DNAAF9: variants seen among roughly 807,000 people sequenced by gnomAD.
DNAAF9 encodes dynein axonemal assembly factor 9.
A neutral mutation model predicts 167.0 loss-of-function variants in DNAAF9; 90 were observed. The observed-to-expected ratio is 0.54, with a 90% confidence interval of 0.45 to 0.64. The LOEUF (loss-of-function observed/expected upper bound fraction) is 0.64, where lower values mean the gene tolerates loss of function less well. DNAAF9 is among the 30% of genes least tolerant of loss of function. The probability of loss-of-function intolerance (pLI) is 0.00; values close to 1 mark genes in which losing one functional copy is unlikely to be tolerated. For missense variants in DNAAF9, 1,315 were observed against 1,442.2 expected (o/e 0.91, Z 1.43); for synonymous variants, 491 against 508.8 (o/e 0.96, Z 0.47).
chr20:3,371,012 C>T (rs1237766105), intron 6 of DNAAF9, among the ~76,000 whole-genome samples: 1 of 152,112 alleles, frequency 6.6e-6, no homozygotes, highest in Admixed American at 6.5e-5. Context: ...TTCAATATCA[C>T]CAATTTCCAT....
chr20:3,316,847 T>G, intron 17 of DNAAF9, 54 bp from the exon 18 acceptor site: 15 of 1,307,172 alleles, frequency 1.1e-5, no homozygotes, highest in Non-Finnish European at 1.7e-5. Context: ...CAGCCTGCCT[T>G]GCAGGCCCCA....
chr20:3,322,506 G>A (rs1014089743), intron 15 of DNAAF9, 146 bp downstream of exon 15: 3 of 784,344 alleles, frequency 3.8e-6, no homozygotes, highest in African/African-American at 3.4e-5. Flanking sequence ...GGGCTCAGCT[G>A]AGCACAGCCA....
At chr20:3,375,635 G>A (rs546982442) in intron 4 of DNAAF9, among the ~76,000 whole-genome samples, 6 of 152,268 alleles carry the variant, frequency 3.9e-5, no homozygotes, top group African/African-American at 1.2e-4. Flanking sequence ...TGAGGTGGGC[G>A]GATCACCTAA....
At chr20:3,317,699 T>A (rs1181905216) in intron 17 of DNAAF9, among the ~76,000 whole-genome samples, 1 of 151,844 alleles carries the variant, frequency 6.6e-6, no homozygotes, top group South Asian at 2.1e-4. Context: ...TAGGTTCAAG[T>A]GATTCTCCTG....
intron 27 of DNAAF9, among the ~76,000 whole-genome samples, chr20:3,285,272 C>A (rs1179963060): frequency 1.3e-5 from 2 of 152,262 alleles, no homozygotes; most frequent in African/African-American, 4.8e-5. Context: ...CCAAGCCAGG[C>A]ATGGTGGCTC....
chr20:3,322,253 C>T lies in DNAAF9; in HGVS notation c.1320G>A (p.Pro440=), dbSNP rs770986866. The change falls in exon 16 of 37, where the codon CCG becomes CCA. Residue 440 remains proline (P), a synonymous_variant. Transcript: ENST00000252032. The part of the protein sequence containing the change: ...HAVNNQGRIV[P]LDSEDSLSFV... ...AGGATAAGCTATCTTCACTGTCCAGCGGTACAATTCTAGGAGGGGAAAGAG... is the reference window on the plus strand; with the variant it reads ...AGGATAAGCTATCTTCACTGTCCAGTGGTACAATTCTAGGAGGGGAAAGAG... The T allele has an allele frequency of 8.1e-6, 13 of 1,607,716 alleles. No homozygotes were observed. Among genetic ancestry groups the T allele is most frequent in the East Asian group, 4.5e-5 (2 of 44,868 alleles).
At chr20:3,375,842 C>T (rs1234564062) in intron 4 of DNAAF9, among the ~76,000 whole-genome samples, 1 of 151,278 alleles carries the variant, frequency 6.6e-6, no homozygotes, top group Non-Finnish European at 1.5e-5. Context: ...AGTGAGACTC[C>T]GTCCCAGAAA....
intron 6 of DNAAF9, among the ~76,000 whole-genome samples, chr20:3,363,951 T>C (rs2083397847): frequency 1.3e-5 from 2 of 152,148 alleles, no homozygotes; most frequent in Admixed American, 6.5e-5. Flanking sequence ...GTAGTTTTCA[T>C]CTCTAGAAGT....
intron 8 of DNAAF9, among the ~76,000 whole-genome samples, chr20:3,345,898 G>A (rs1345802160): frequency 6.6e-6 from 1 of 151,992 alleles, no homozygotes; most frequent in Non-Finnish European, 1.5e-5. Flanking sequence ...TCGCGCCACT[G>A]CACTCCAGCC....
At chr20:3,286,114 T>C (rs1335384872) in intron 27 of DNAAF9, among the ~76,000 whole-genome samples, 2 of 152,202 alleles carry the variant, frequency 1.3e-5, no homozygotes, top group Non-Finnish European at 1.5e-5. Flanking sequence ...CCCAAGATGA[T>C]GGACATGCTA....
At chr20:3,274,080 A>AG (rs1468447534) in intron 29 of DNAAF9, among the ~76,000 whole-genome samples, 1 of 152,178 alleles carries the variant, frequency 6.6e-6, no homozygotes, top group African/African-American at 2.4e-5. Flanking sequence ...CTAAAAAAAA[A>AG]GAAAAAAAGT....
chr20:3,374,120 C>T lies in DNAAF9; in HGVS notation c.540G>A (p.Glu180=). 6.2e-7 allele frequency: 1 copy of T among 1,613,548 alleles called. No homozygotes were observed. Among genetic ancestry groups the T allele is most frequent in the Non-Finnish European group, 8.5e-7 (1 of 1,179,432 alleles). ...HLQIFDMFVV[E]KWPIVQAFAL... is the part of the protein sequence containing the mutation. ...CAAAGGCCTGTACAATTGGCCATTT[C>T]TCCACCACAAACATATCAAATATCT... Residue 180 remains glutamate, a synonymous_variant, in exon 6 of 37, where the codon GAG becomes GAA. Coordinates refer to ENST00000252032, the MANE Select transcript of DNAAF9 (RefSeq NM_001009984.3).
rs2069311416 is a variant in DNAAF9 at position 3,307,034 on chromosome 20, A to G, written c.1679-2491T>C. The G allele has an allele frequency of 1.3e-5, 13 of 985,288 alleles. No individual in the cohort carries two copies. In the South Asian group the frequency reaches 5.6e-4, roughly 43 times the overall value. The allele number at this position is 985,288 out of a possible 1,614,324, so 61.0% of individuals were successfully genotyped here. A position where few individuals can be genotyped will look rare whatever the true frequency, so the allele number is the denominator to read the frequency against. ...CCTTTTTAGAAACAAGTCCAGTGCCACTTGAAAGGCCTCCTGGACAAAGCT... is the reference window on the plus strand; with the variant it reads ...CCTTTTTAGAAACAAGTCCAGTGCCGCTTGAAAGGCCTCCTGGACAAAGCT... On this transcript the variant is annotated intron_variant, in intron 20 of 36. Coordinates refer to ENST00000252032, the MANE Select transcript of DNAAF9 (RefSeq NM_001009984.3).
chr20:3,268,921 T>TTTTTTTTTA (rs2068539365), intron 30 of DNAAF9, among the ~76,000 whole-genome samples: 1 of 127,684 alleles, frequency 7.8e-6, no homozygotes, highest in Non-Finnish European at 1.7e-5. Context: ...TTTTTTTTTT[T>TTTTTTTTTA]GAGACAGAGG....
intron 17 of DNAAF9, among the ~76,000 whole-genome samples, chr20:3,317,868 A>G (rs2069532806): frequency 6.6e-6 from 1 of 152,156 alleles, no homozygotes; most frequent in Non-Finnish European, 1.5e-5. Flanking sequence ...AAGTGCTGGG[A>G]TTACAGGCAT....
chr20:3,287,552 G>C lies in DNAAF9; in HGVS notation c.2486+80C>G, dbSNP rs986881370. 5.2e-6 allele frequency: 7 copies of C among 1,350,146 alleles called. No homozygotes were observed. The African/African-American group carries it at 8.6e-5, about 17-fold the overall frequency. The allele number at this position is 1,350,146 out of a possible 1,614,324, so 83.6% of individuals were successfully genotyped here. Reference sequence around the variant, plus strand: ...CATGTAGAGTCTGTTCTGTGCTCCAGGTTTGTTACACATAAAATAAGAGTA... The same window carrying C: ...CATGTAGAGTCTGTTCTGTGCTCCACGTTTGTTACACATAAAATAAGAGTA... On this transcript the variant is annotated intron_variant, in intron 27 of 36. Coordinates refer to ENST00000252032, the MANE Select transcript of DNAAF9 (RefSeq NM_001009984.3).
At chr20:3,272,397 T>A (rs1401594834) in intron 29 of DNAAF9, among the ~76,000 whole-genome samples, 2 of 151,872 alleles carry the variant, frequency 1.3e-5, no homozygotes, top group Non-Finnish European at 2.9e-5. Flanking sequence ...TGGCTAATTT[T>A]TTTATTTTTT....
At position 3,298,053 on chromosome 20, in the gene DNAAF9, C is replaced by T. The variant is rs772983838; in HGVS notation, c.1905G>A (p.Lys635=). ...CCTCTGAGTAAAATGCTTGGTATAT[C>T]TTCGATTTGGGGAAAAGGGCAATCA... ...FLMIALFPKS[K]IYQAFYSEVF... The change falls in exon 22 of 37, where the codon AAG becomes AAA. Residue 635 remains lysine, a synonymous_variant. Coordinates refer to ENST00000252032, the MANE Select transcript of DNAAF9 (RefSeq NM_001009984.3). 1 of 1,613,326 alleles carries T rather than the reference C, an allele frequency of 6.2e-7. No homozygotes were observed. The highest frequency in any genetic ancestry group is 1.7e-5 in the Admixed American group (1 of 60,022).
At chr20:3,395,048 A>G (rs1287462054) in intron 1 of DNAAF9, among the ~76,000 whole-genome samples, 1 of 133,704 alleles carries the variant, frequency 7.5e-6, no homozygotes, top group African/African-American at 3.0e-5. Context: ...ACTCACTGCA[A>G]GCTCCGCCTC....
Sources: allele counts gnomAD v4.1 joint callset (sites outside exome capture counted in the v4.1 genomes callset), GRCh38; gene constraint gnomAD v4.1.1; transcripts MANE v1.5; gene names NCBI Gene and HGNC (gene_info 2026-07-23, HGNC 2026-07-21).